Variants in ERC2 observed in about 807,000 individuals in gnomAD.
The protein encoded by ERC2 is ERC protein 2.
ERC2 carries 42 observed loss-of-function variants against 114.8 expected under a neutral mutation model. The ratio of observed to expected loss-of-function variants is 0.37; its 90% CI spans 0.29 to 0.47. The LOEUF (loss-of-function observed/expected upper bound fraction) is 0.47, where lower values mean the gene tolerates loss of function less well. Ranked by LOEUF, ERC2 falls within the 20% of genes least tolerant of loss-of-function variation. The pLI, the probability that ERC2 is intolerant of heterozygous loss-of-function variation, is 0.99. For missense variants in ERC2, 939 were observed against 1,150.7 expected (o/e 0.82, Z 2.66); for synonymous variants, 454 against 425.5 (o/e 1.07, Z -0.82).
intron 13 of ERC2, among the ~76,000 whole-genome samples, chr3:55,930,946 T>C (rs759628674): frequency 2.0e-5 from 3 of 152,142 alleles, no homozygotes; most frequent in African/African-American, 7.2e-5. Flanking sequence ...GTGAAGGATA[T>C]GAACAGACAC....
chr3:55,690,355 A>C (rs2062576424), intron 16 of ERC2, among the ~76,000 whole-genome samples: 1 of 152,202 alleles, frequency 6.6e-6, no homozygotes, highest in Admixed American at 6.5e-5. Flanking sequence ...AATGGTGTTT[A>C]GCAATATAAA....
At chr3:55,863,480 G>A (rs1037245748) in intron 14 of ERC2, among the ~76,000 whole-genome samples, 2 of 152,116 alleles carry the variant, frequency 1.3e-5, no homozygotes, top group African/African-American at 4.8e-5. Flanking sequence ...TCAAAATGTA[G>A]ATTTTAGAGG....
chr3:56,405,627 A>T (rs1357220167), intron 2 of ERC2, among the ~76,000 whole-genome samples: 1 of 143,244 alleles, frequency 7.0e-6, no homozygotes, highest in Middle Eastern at 3.2e-3. Context: ...ATGGATGGAG[A>T]TAGATAGATA....
chr3:55,732,032 C>T (rs868507659), intron 15 of ERC2, among the ~76,000 whole-genome samples: 13 of 151,978 alleles, frequency 8.6e-5, no homozygotes, highest in African/African-American at 2.9e-4. Context: ...GTGTGGAATC[C>T]GGTAGACTAT....
intron 14 of ERC2, among the ~76,000 whole-genome samples, chr3:55,750,363 C>G (rs1263501098): frequency 6.6e-6 from 1 of 152,156 alleles, no homozygotes; most frequent in African/African-American, 2.4e-5. Flanking sequence ...TATTACACCC[C>G]TTGTAAAGTT....
At chr3:56,386,683 A>G (rs2059945304) in intron 2 of ERC2, among the ~76,000 whole-genome samples, 2 of 152,116 alleles carry the variant, frequency 1.3e-5, no homozygotes, top group Non-Finnish European at 2.9e-5. Flanking sequence ...TCCTCGCTGG[A>G]AAGACCTTAG....
chr3:56,361,054 T>C (rs1389529364), intron 2 of ERC2, among the ~76,000 whole-genome samples: 1 of 152,068 alleles, frequency 6.6e-6, no homozygotes, highest in Non-Finnish European at 1.5e-5. Context: ...AGGTGGGAGA[T>C]ACGTAACTGA....
chr3:55,691,375 G>A (rs1168093184), intron 16 of ERC2, among the ~76,000 whole-genome samples: 1 of 151,404 alleles, frequency 6.6e-6, no homozygotes, highest in East Asian at 1.9e-4. Context: ...GAAAGGACTG[G>A]CCCAGGAGTG....
At chr3:55,571,354 T>G (rs2056703472) in intron 17 of ERC2, among the ~76,000 whole-genome samples, 1 of 151,974 alleles carries the variant, frequency 6.6e-6, no homozygotes, top group Non-Finnish European at 1.5e-5. Context: ...AGTAAACAAT[T>G]TTGACTTGGA....
At position 56,084,787 on chromosome 3, in the gene ERC2, A is replaced by G. The variant is rs148664264; in HGVS notation, c.1474-3803T>C. Among the ~76,000 whole-genome samples the G allele has an allele frequency of 8.2e-4, 125 of 152,030 alleles. 1 individual carries two copies. The East Asian group carries it at 0.021, about 25-fold the overall frequency. On this transcript the variant is annotated intron_variant, in intron 6 of 17. Transcript: ENST00000288221. ...CTACTCAGGTGATGCGTACACTGAA[A>G]TCCCAGACTTCACCACTATACGATT... is the stretch of plus-strand genomic sequence containing the variant.
intron 2 of ERC2, among the ~76,000 whole-genome samples, chr3:56,412,549 T>C (rs2060981805): frequency 6.6e-6 from 1 of 152,198 alleles, no homozygotes; most frequent in South Asian, 2.1e-4. Flanking sequence ...ATACTGGGTC[T>C]TCGGACATCT....
At chr3:55,623,863 G>C (rs764600043) in intron 17 of ERC2, among the ~76,000 whole-genome samples, 1 of 152,224 alleles carries the variant, frequency 6.6e-6, no homozygotes, top group Non-Finnish European at 1.5e-5. Flanking sequence ...TCTGCAGAAA[G>C]TAAAAATTGA....
chr3:56,226,689 C>T (rs4974185), intron 3 of ERC2, among the ~76,000 whole-genome samples: 82,600 of 151,872 alleles, frequency 0.54, 23,074 homozygotes, highest in East Asian at 0.83. Context: ...TCCCAGGCTA[C>T]ACTCTCAACT....
chr3:55,607,388 CA>C (rs2058684746), intron 17 of ERC2, among the ~76,000 whole-genome samples: 1 of 152,132 alleles, frequency 6.6e-6, no homozygotes, highest in Admixed American at 6.5e-5. Flanking sequence ...GGTGGGTCAG[CA>C]CGTGCGAGAT....
At chr3:56,253,166 T>C (rs2052291873) in intron 3 of ERC2, among the ~76,000 whole-genome samples, 1 of 152,180 alleles carries the variant, frequency 6.6e-6, no homozygotes, top group African/African-American at 2.4e-5. Context: ...TCACAAACTC[T>C]GGCTCCAGAG....
At chr3:55,985,835 C>A in intron 12 of ERC2, 142 bp downstream of exon 12, 2 of 712,636 alleles carry the variant, frequency 2.8e-6, no homozygotes, top group Non-Finnish European at 4.7e-6. Flanking sequence ...ATAAACCTTC[C>A]CAAGGCATGG....
chr3:56,013,425 T>C (rs901881751), intron 8 of ERC2, among the ~76,000 whole-genome samples: 4 of 152,184 alleles, frequency 2.6e-5, no homozygotes, highest in African/African-American at 9.7e-5. Flanking sequence ...TAAAGAAGAT[T>C]GTGATGTTGC....
intron 14 of ERC2, among the ~76,000 whole-genome samples, chr3:55,846,187 C>A (rs7625119): frequency 0.18 from 27,140 of 152,016 alleles, 3,570 homozygotes; most frequent in African/African-American, 0.37. Context: ...CTGTTGTTTC[C>A]TTCTTTGTAT....
intron 14 of ERC2, among the ~76,000 whole-genome samples, chr3:55,807,358 T>C (rs1033719717): frequency 3.3e-5 from 5 of 152,194 alleles, no homozygotes; most frequent in African/African-American, 1.2e-4. Context: ...TTTTAAGTCA[T>C]TGATTTCCCA....
Sources: gnomAD v4.1 joint callset for allele counts (sites outside exome capture counted in the v4.1 genomes callset) on GRCh38, gnomAD v4.1.1 for gene constraint, MANE v1.5 for transcripts, NCBI Gene and HGNC (gene_info 2026-07-23, HGNC 2026-07-21) for gene names.